PRH1: variants seen among roughly 807,000 people sequenced by gnomAD.
PRH1 encodes salivary acidic proline-rich phosphoprotein 1/2.
In PRH1, 7 loss-of-function variants were observed where a neutral mutation model predicts 7.9. The observed-to-expected ratio is 0.89, with a 90% CI of 0.50 to 1.67. The LOEUF is 1.67. Ranked by LOEUF, PRH1 falls within the 40% of genes most tolerant of loss-of-function variation. The pLI is 0.00. For missense variants in PRH1, 109 were observed against 223.6 expected (o/e 0.49, Z 3.27); for synonymous variants, 45 against 80.8 (o/e 0.56, Z 2.38).
chr12:11,009,589 T>C (rs1451220929), intron 1 of PRH1, among the ~76,000 whole-genome samples: 2 of 151,964 alleles, frequency 1.3e-5, no homozygotes, highest in African/African-American at 4.8e-5. Context: ...GTTAGTACTC[T>C]AGCCATGAAA....
intron 2 of PRH1, among the ~76,000 whole-genome samples, chr12:10,940,338 T>G (rs1283666006): frequency 2.6e-5 from 4 of 152,236 alleles, no homozygotes; most frequent in Non-Finnish European, 1.5e-5. Flanking sequence ...TCATGTTTAG[T>G]ACTGTGATAG....
intron 2 of PRH1, chr12:10,929,447 G>A: frequency 7.4e-7 from 1 of 1,348,224 alleles, no homozygotes; most frequent in South Asian, 1.3e-5. Flanking sequence ...AGATAGGACT[G>A]AAGAGTTCTC....
At chr12:10,972,928 A>ACCCCCCCCCCCC (rs199859766) in intron 2 of PRH1, among the ~76,000 whole-genome samples, 17 of 100,392 alleles carry the variant, frequency 1.7e-4, no homozygotes, top group South Asian at 3.3e-4. Context: ...AAGCACCACA[A>ACCCCCCCCCCCC]CCCACCCCCC....
chr12:10,898,194 T>C (rs1213179558), intron 2 of PRH1, among the ~76,000 whole-genome samples: 2 of 152,230 alleles, frequency 1.3e-5, no homozygotes, highest in Non-Finnish European at 2.9e-5. Context: ...CAATTAGTCA[T>C]GTTCTTTGTG....
At chr12:11,061,638 G>A (rs755242162) in intron 1 of PRH1, 12 of 1,613,990 alleles carry the variant, frequency 7.4e-6, no homozygotes, top group Non-Finnish European at 1.0e-5. Flanking sequence ...CCTTCATGCT[G>A]GGATCTTGAG....
At chr12:10,952,399 A>G (rs1028887983) in intron 2 of PRH1, among the ~76,000 whole-genome samples, 2 of 152,226 alleles carry the variant, frequency 1.3e-5, no homozygotes, top group African/African-American at 4.8e-5. Flanking sequence ...CACGTCACAG[A>G]AAGCTTTTTC....
intron 1 of PRH1, among the ~76,000 whole-genome samples, chr12:11,007,936 T>C (rs1337899258): frequency 3.3e-5 from 5 of 152,116 alleles, no homozygotes; most frequent in African/African-American, 4.8e-5. Context: ...ATATCTAATG[T>C]AGTTTTGGAG....
At chr12:11,085,401 T>G (rs796826561) in intron 1 of PRH1, among the ~76,000 whole-genome samples, 1 of 128,762 alleles carries the variant, frequency 7.8e-6, no homozygotes, top group Non-Finnish European at 1.7e-5. Flanking sequence ...CTACCATTAC[T>G]GTTATGGAAA....
At chr12:10,927,306 T>C (rs1950136787) in intron 2 of PRH1, among the ~76,000 whole-genome samples, 1 of 152,206 alleles carries the variant, frequency 6.6e-6, no homozygotes, top group African/African-American at 2.4e-5. Flanking sequence ...GACATGATGG[T>C]TGACCTGAAA....
rs190326635 is a variant in PRH1, at chr12:11,128,537, G to A, written n.40-7357C>T. 7.4e-4 allele frequency among the ~76,000 whole-genome samples: 112 copies of A among 152,306 alleles called. 3 individuals carry two copies. The East Asian group carries it at 0.017, about 23-fold the overall frequency. On this transcript the variant is annotated intron_variant and non_coding_transcript_variant, in intron 1 of 1. Coordinates refer to the PRH1 transcript ENST00000541175. ...AGGCAGGTGGATCACCTGAAGTCAG[G>A]AGTGCAAATCCAGCATGGCCAACAT... is the stretch of plus-strand genomic sequence containing the variant.
chr12:11,044,370 G>C (rs929791034), intron 1 of PRH1, among the ~76,000 whole-genome samples: 1 of 152,094 alleles, frequency 6.6e-6, no homozygotes, highest in African/African-American at 2.4e-5. Context: ...CAGGACATTG[G>C]TTTGAGCAAA....
chr12:11,118,856 G>A (rs532195794), downstream of PRH1, among the ~76,000 whole-genome samples: 10 of 152,148 alleles, frequency 6.6e-5, no homozygotes, highest in Admixed American at 3.9e-4. Context: ...TTAGCTGGGC[G>A]TGGTGGCTGG....
intron 1 of PRH1, chr12:11,077,979 T>A: frequency 1.3e-6 from 1 of 740,900 alleles, no homozygotes; most frequent in Non-Finnish European, 2.3e-6. Flanking sequence ...TGATTATTGC[T>A]GAGATATTAG....
chr12:11,127,136 T>A (rs1946159609), intron 1 of PRH1, among the ~76,000 whole-genome samples: 1 of 152,300 alleles, frequency 6.6e-6, no homozygotes, highest in African/African-American at 2.4e-5. Context: ...TTCAAGGCTG[T>A]CTTAATGGAA....
At chr12:11,041,571 T>C (rs1228173167) in intron 1 of PRH1, among the ~76,000 whole-genome samples, 1 of 152,150 alleles carries the variant, frequency 6.6e-6, no homozygotes, top group Non-Finnish European at 1.5e-5. Context: ...GGACAGATCC[T>C]CCAGACAGAA....
At chr12:10,994,284 A>C (rs1439871356) in intron 1 of PRH1, among the ~76,000 whole-genome samples, 3 of 152,238 alleles carry the variant, frequency 2.0e-5, no homozygotes, top group Non-Finnish European at 4.4e-5. Flanking sequence ...GATGGAAAGC[A>C]GAACAGCAGA....
chr12:10,933,863 G>A (rs1395976736), intron 2 of PRH1, among the ~76,000 whole-genome samples: 1 of 151,880 alleles, frequency 6.6e-6, no homozygotes, highest in Non-Finnish European at 1.5e-5. Flanking sequence ...AGATAAACAA[G>A]CACATAACAG....
intron 1 of PRH1, among the ~76,000 whole-genome samples, chr12:11,020,628 A>G (rs1248248420): frequency 1.3e-5 from 2 of 151,878 alleles, no homozygotes; most frequent in Admixed American, 6.6e-5. Flanking sequence ...CATATCATTA[A>G]TACATTTCCT....
chr12:11,165,511 ATGT>A (rs1947548110), intron 1 of PRH1, among the ~76,000 whole-genome samples: 1 of 152,148 alleles, frequency 6.6e-6, no homozygotes, highest in African/African-American at 2.4e-5. Flanking sequence ...TTTCCTGAGC[ATGT>A]TATTTATCTT....
Sources: allele counts gnomAD v4.1 joint callset (sites outside exome capture counted in the v4.1 genomes callset), GRCh38; gene constraint gnomAD v4.1.1; transcripts MANE v1.5; gene names NCBI Gene and HGNC (gene_info 2026-07-23, HGNC 2026-07-21).